GUCY1A1: variants seen among roughly 807,000 people sequenced by gnomAD.
GUCY1A1 encodes guanylate cyclase soluble subunit alpha-1.
GUCY1A1 carries 48 observed loss-of-function variants against 64.5 expected under a neutral mutation model. That is an observed-to-expected ratio of 0.74 (90% CI 0.59 to 0.95). GUCY1A1 has a LOEUF of 0.95. GUCY1A1 is among the 40% of genes least tolerant of loss of function. GUCY1A1 has a pLI of 0.00. For missense variants in GUCY1A1, 804 were observed against 825.3 expected, an observed-to-expected ratio of 0.97 and a Z score of 0.32; for synonymous variants, 308 against 303.4, an observed-to-expected ratio of 1.02 and a Z score of -0.16.
At chr4:155,729,428 G>A (rs890264883) in intron 9 of GUCY1A1, among the ~76,000 whole-genome samples, 2 of 151,752 alleles carry the variant, frequency 1.3e-5, no homozygotes, top group Non-Finnish European at 3.0e-5. Context: ...AATTTCAGGA[G>A]AAAAAATATT....
intron 2 of GUCY1A1, among the ~76,000 whole-genome samples, chr4:155,680,131 A>G (rs1579008816): frequency 6.6e-6 from 1 of 152,332 alleles, no homozygotes; most frequent in East Asian, 1.9e-4. Flanking sequence ...TCTATAAACC[A>G]GTTTAGAGAA....
At chr4:155,709,018 T>C (rs1732178004) in intron 5 of GUCY1A1, among the ~76,000 whole-genome samples, 1 of 152,204 alleles carries the variant, frequency 6.6e-6, no homozygotes, top group Admixed American at 6.5e-5. Context: ...AGACTCCATT[T>C]TGTATTTTGT....
intron 2 of GUCY1A1, among the ~76,000 whole-genome samples, chr4:155,696,213 G>A (rs1437180640): frequency 6.6e-6 from 1 of 151,716 alleles, no homozygotes; most frequent in Non-Finnish European, 1.5e-5. Flanking sequence ...CATCTTCATT[G>A]AACTTTTTTT....
intron 2 of GUCY1A1, among the ~76,000 whole-genome samples, chr4:155,673,696 G>A (rs1314772263): frequency 6.6e-6 from 1 of 151,338 alleles, no homozygotes; most frequent in Non-Finnish European, 1.5e-5. Flanking sequence ...GGGTAATGCT[G>A]AGCCTTCCCA....
At chr4:155,717,096 C>G (rs1218762623) in intron 7 of GUCY1A1, 63 bp from the exon 8 acceptor site, 2 of 1,144,170 alleles carry the variant, frequency 1.7e-6, no homozygotes, top group Non-Finnish European at 2.4e-6. Flanking sequence ...TTTCTTCTAT[C>G]CGATGTAGGC....
rs1162061257 is a variant in GUCY1A1 at position 155,683,053 on chromosome 4, G to A, written c.-112-13703G>A. On this transcript the variant is annotated intron_variant, in intron 2 of 9. Transcript: ENST00000506455. The stretch of plus-strand genomic sequence containing the variant: ...TGTGCTGAGTGTTTCTGATAAGGCA[G>A]TCAAGTATAGAAACATGGATGGTTT... Among the ~76,000 whole-genome samples the A allele has an allele frequency of 2.6e-5, 4 of 152,234 alleles. No individual in the cohort carries two copies. In the East Asian group the frequency reaches 5.8e-4, roughly 22 times the overall value.
chr4:155,681,293 T>C (rs1226151837), intron 2 of GUCY1A1, among the ~76,000 whole-genome samples: 1 of 152,190 alleles, frequency 6.6e-6, no homozygotes, highest in Non-Finnish European at 1.5e-5. Context: ...CCCTGTACTT[T>C]GAGCTAACTT....
intron 2 of GUCY1A1, among the ~76,000 whole-genome samples, chr4:155,696,471 T>TA (rs1455789266): frequency 9.8e-5 from 15 of 152,294 alleles, no homozygotes; most frequent in Admixed American, 2.6e-4. Flanking sequence ...CAGATGAGTG[T>TA]AAAAAATGGA....
At position 155,717,147 on chromosome 4, in the gene GUCY1A1, T is replaced by A; in HGVS notation, c.1573-12T>A. ...GCATTTATTTATAGTATGGAAAATA[T>A]ATTATGTCTAGGTGGAGACCATTGG... On this transcript the variant is annotated splice_polypyrimidine_tract_variant and intron_variant, in intron 7 of 9. Coordinates refer to ENST00000506455, the MANE Select transcript of GUCY1A1 (RefSeq NM_001130682.3). 1 of 1,407,692 alleles carries A rather than the reference T, an allele frequency of 7.1e-7. No individual in the cohort carries two copies. Among genetic ancestry groups the A allele is most frequent in the Non-Finnish European group, 9.4e-7 (1 of 1,062,840 alleles). The allele number at this position is 1,407,692 out of a possible 1,614,324, so 87.2% of individuals were successfully genotyped here. A position where few individuals can be genotyped will look rare whatever the true frequency, so the allele number is the denominator to read the frequency against.
At chr4:155,729,916 C>T (rs998027856) in intron 9 of GUCY1A1, 114 bp from the exon 10 acceptor site, 2 of 641,252 alleles carry the variant, frequency 3.1e-6, no homozygotes, top group Non-Finnish European at 2.7e-6. Context: ...TTCTGTCACT[C>T]ACACCTAAAA....
At chr4:155,679,222 C>T (rs754915877) in intron 2 of GUCY1A1, among the ~76,000 whole-genome samples, 5 of 151,060 alleles carry the variant, frequency 3.3e-5, no homozygotes, top group Non-Finnish European at 7.4e-5. Context: ...TTGCTTCAAA[C>T]CTGGTCACAA....
At chr4:155,713,706 T>A in intron 7 of GUCY1A1, 123 bp downstream of exon 7, 1 of 989,478 alleles carries the variant, frequency 1.0e-6, no homozygotes, top group Non-Finnish European at 1.5e-6. Context: ...GCAAGCCCAG[T>A]CCTGGGAGCA....
rs2126852167 is a variant in GUCY1A1, at chr4:155,710,547, C to T, written c.382C>T (p.Pro128Ser). 6.4e-7 allele frequency: 1 copy of T among 1,565,236 alleles called. No homozygotes were observed. Among genetic ancestry groups the T allele is most frequent in the South Asian group, 1.1e-5 (1 of 87,810 alleles). Residue 128 changes from proline (P) to serine (S), a missense_variant, in exon 6 of 10, where the codon CCA becomes TCA. Pro to Ser is a moderately conservative substitution (Grantham distance 74, BLOSUM62 -1). Transcript: ENST00000506455. Reference protein sequence around the residue: ...IAEQAVAAGVPVEVIKESLGE... With the variant: ...IAEQAVAAGVSVEVIKESLGE... ...CATGTATTATGTGATTTCAGGAGTT[C>T]CAGTGGAGGTTATCAAAGAATCTCT...
intron 9 of GUCY1A1, among the ~76,000 whole-genome samples, chr4:155,727,363 A>G (rs3796578): frequency 0.2 from 29,760 of 151,834 alleles, 3,148 homozygotes; most frequent in African/African-American, 0.27. Context: ...TTTAAAAAGC[A>G]TAGAAGTTGT....
Position 155,713,492 on chromosome 4 carries a change from G to A in GUCY1A1, c.1481G>A (p.Cys494Tyr), listed in dbSNP as rs1352629060. 6.2e-7 allele frequency: 1 copy of A among 1,614,122 alleles called. No individual in the cohort carries two copies. The highest frequency in any genetic ancestry group is 1.1e-5 in the South Asian group (1 of 91,078). The change falls in exon 7 of 10, where the codon TGC becomes TAC. Residue 494 changes from cysteine (C) to tyrosine (Y), a missense_variant. By Grantham distance (194) the Cys-to-Tyr change is radical. Transcript: ENST00000506455. The part of the protein sequence containing the change: ...FSDIVGFTAI[C>Y]SQCSPLQVIT... The stretch of plus-strand genomic sequence containing the variant: ...GACATCGTTGGGTTCACTGCCATCT[G>A]CTCCCAGTGCTCACCGCTGCAGGTC...
In GUCY1A1 at chr4:155,713,946, A is replaced by G. The variant is rs528309384; in HGVS notation, c.1572+363A>G. ...TTCACTGTGGAAACCGAGTTGAATT[A>G]TTAAGTGTGAGATAATTCAAAGTAT... On this transcript the variant is annotated intron_variant, in intron 7 of 9. Coordinates refer to ENST00000506455, the MANE Select transcript of GUCY1A1 (RefSeq NM_001130682.3). Among the ~76,000 whole-genome samples, 3 of 152,346 alleles carry G rather than the reference A, an allele frequency of 2.0e-5. No individual in the cohort carries two copies. In the East Asian group the frequency reaches 5.8e-4, roughly 29 times the overall value.
At position 155,734,054 on chromosome 4, in the gene GUCY1A1, C is replaced by T. The variant is rs1735822611; in HGVS notation, c.*3823C>T. On this transcript the variant is annotated 3_prime_UTR_variant, in exon 10 of 10. Coordinates refer to ENST00000506455, the MANE Select transcript of GUCY1A1 (RefSeq NM_001130682.3). ...TGCTTCAGCATTTTGACTAACATTT[C>T]TTCCAAATTTCTTCTCCCTGATATT... 6.6e-6 allele frequency among the ~76,000 whole-genome samples: 1 copy of T among 151,890 alleles called. No homozygotes were observed.
intron 2 of GUCY1A1, among the ~76,000 whole-genome samples, chr4:155,681,212 A>G (rs1040652581): frequency 1.2e-4 from 19 of 152,268 alleles, no homozygotes; most frequent in Non-Finnish European, 7.4e-5. Context: ...AGCTTGTCTC[A>G]CTTGTTCTCA....
chr4:155,708,643 C>A (rs1173882335), intron 5 of GUCY1A1, among the ~76,000 whole-genome samples: 2 of 152,058 alleles, frequency 1.3e-5, no homozygotes, highest in East Asian at 3.8e-4. Context: ...AGGTTAGGAG[C>A]AGTCATGGGA....
Sources: gnomAD v4.1 joint callset for allele counts (sites outside exome capture counted in the v4.1 genomes callset) on GRCh38, gnomAD v4.1.1 for gene constraint, MANE v1.5 for transcripts, NCBI Gene and HGNC (gene_info 2026-07-23, HGNC 2026-07-21) for gene names.